PRAME: variants seen among roughly 807,000 people sequenced by gnomAD.
PRAME encodes the protein PRAME nuclear receptor transcriptional regulator.
Under a neutral mutation model 32.1 loss-of-function variants are expected in PRAME, and 21 were observed. The ratio of observed to expected loss-of-function variants is 0.65; its 90% CI spans 0.46 to 0.94. The LOEUF (loss-of-function observed/expected upper bound fraction) is 0.94, where lower values mean the gene tolerates loss of function less well. Among genes scored for constraint, PRAME ranks in the 40% least tolerant of loss-of-function variants. The pLI is 0.00. For missense variants in PRAME, 651 were observed against 622.3 expected (o/e 1.05, Z -0.49); for synonymous variants, 274 against 251.5 (o/e 1.09, Z -0.85).
rs2062959881 is a variant in PRAME at position 22,556,886 on chromosome 22, TCA to T, written c.-56_-55del. On this transcript the variant is annotated 5_prime_UTR_variant, in exon 3 of 6. Coordinates refer to ENST00000405655, the MANE Select transcript of PRAME (RefSeq NM_206956.3). ...CCTCCAACGCTTGGATTTCTAGGTCTCAGTCACTTGTTGCCACGCACGTCTGA... is the reference window on the plus strand; with the variant it reads ...CCTCCAACGCTTGGATTTCTAGGTCTGTCACTTGTTGCCACGCACGTCTGA... The T allele has an allele frequency of 3.1e-6, 5 of 1,608,432 alleles. No homozygotes were observed. The highest frequency in any genetic ancestry group is 4.3e-6 in the Non-Finnish European group (5 of 1,176,020).
rs912342015 is a variant in PRAME at position 22,549,820 on chromosome 22, G to C, written c.859C>G (p.Gln287Glu). 6.2e-7 allele frequency: 1 copy of C among 1,613,806 alleles called. No individual in the cohort carries two copies. ...SPEKEEQYIA[Q>E]FTSQFLSLQC... is the part of the protein sequence containing the mutation. ...AGACTGAGGAACTGAGAGGTGAACT[G>C]GGCGATATACTGCTCTTCCTTCTCC... The change falls in exon 5 of 6, where the codon CAG (glutamine) becomes GAG (glutamate). Residue 287 changes from glutamine to glutamate, a missense_variant. Physicochemically the swap from Gln to Glu is conservative, Grantham distance 29. Transcript: ENST00000405655.
At chr22:22,556,681 T>C in intron 3 of PRAME, 131 bp downstream of exon 3, 2 of 1,104,070 alleles carry the variant, frequency 1.8e-6, no homozygotes, top group Non-Finnish European at 2.7e-6. Flanking sequence ...CCAGAAACAA[T>C]AAAAGCGGCT....
rs935148315 is a variant in PRAME at position 22,548,567 on chromosome 22, G to A, written c.1030C>T (p.Gln344Ter). 6.2e-7 allele frequency: 1 copy of A among 1,612,962 alleles called. No homozygotes were observed. Among genetic ancestry groups the A allele is most frequent in the East Asian group, 2.2e-5 (1 of 44,762 alleles). Residue 344 changes from glutamine to a stop codon, truncating the protein, a stop_gained, in exon 6 of 6, where the codon CAG becomes TAG. Transcript: ENST00000405655. LOFTEE classifies it low-confidence loss of function (END_TRUNC). ...CTTAGCTGACTGACGCTGGGACTCT[G>A]GGACAGATGCATCACATCCCCTTCC... ...LSEGDVMHLS[Q>*]SPSVSQLSVL... is the part of the protein sequence containing the mutation.
Position 22,548,244 on chromosome 22 carries a change from G to C in PRAME, c.1353C>G (p.Ile451Met). 6.2e-7 allele frequency: 1 copy of C among 1,613,844 alleles called. No homozygotes were observed. Among genetic ancestry groups the C allele is most frequent in the Middle Eastern group, 1.7e-4 (1 of 6,054 alleles). ...YPVPLESYED[I>M]HGTLHLERLA... The stretch of plus-strand genomic sequence containing the variant: ...GCCTCTCCAGGTGGAGGGTACCATG[G>C]ATGTCCTCATAACTCTCCAGGGGGA... The change falls in exon 6 of 6, where the codon ATC becomes ATG. Residue 451 changes from isoleucine to methionine, a missense_variant. By Grantham distance (10) the Ile-to-Met change is conservative. Coordinates refer to ENST00000405655, the MANE Select transcript of PRAME (RefSeq NM_206956.3).
Position 22,550,183 on chromosome 22 carries a change from T to C in PRAME, c.496A>G (p.Thr166Ala), listed in dbSNP as rs770285838. 1.2e-6 allele frequency: 2 copies of C among 1,613,848 alleles called. No individual in the cohort carries two copies. The highest frequency in any genetic ancestry group is 2.2e-5 in the South Asian group (2 of 91,066). ...GGAATGAAGGGCTGCTCTGCCTCTG[T>C]GCTCAAACCATCTACTTTTCGCTTC... is the stretch of plus-strand genomic sequence containing the variant. The part of the protein sequence containing the change: ...TKKRKVDGLS[T>A]EAEQPFIPVE... Residue 166 changes from threonine (T) to alanine (A), a missense_variant, in exon 5 of 6, where the codon ACA becomes GCA. Transcript: ENST00000405655.
chr22:22,548,181 A>C lies in PRAME; in HGVS notation c.1416T>G (p.Cys472Trp). 1 of 1,613,818 alleles carries C rather than the reference A, an allele frequency of 6.2e-7. No individual in the cohort carries two copies. The highest frequency in any genetic ancestry group is 1.1e-5 in the South Asian group (1 of 91,066). Residue 472 changes from cysteine (C) to tryptophan (W), a missense_variant, in exon 6 of 6, where the codon TGT (cysteine) becomes TGG (tryptophan). Physicochemically the swap from Cys to Trp is radical, Grantham distance 215. Coordinates refer to ENST00000405655, the MANE Select transcript of PRAME (RefSeq NM_206956.3). ...YLHARLRELL[C>W]ELGRPSMVWL... ...AGACCATGCTGGGCCGCCCCAACTC[A>C]CACAGCAACTCCCTGAGCCTGGCAT...
chr22:22,552,914 C>T (rs1292962330), intron 3 of PRAME: 1 of 470,752 alleles, frequency 2.1e-6, no homozygotes, highest in Admixed American at 2.4e-5. Context: ...GAAGCTATTA[C>T]AGGCCTTTCT....
At position 22,551,101 on chromosome 22, in the gene PRAME, T is replaced by C. The variant is rs200236038; in HGVS notation, c.22-12A>G. On this transcript the variant is annotated splice_polypyrimidine_tract_variant and intron_variant, in intron 3 of 5. Coordinates refer to ENST00000405655, the MANE Select transcript of PRAME (RefSeq NM_206956.3). Reference sequence around the variant, plus strand: ...CTCTGAATGGAACCCTGAGGAAACATACAGGGAACAAGGCATCCCTTTCAG... The same window carrying C: ...CTCTGAATGGAACCCTGAGGAAACACACAGGGAACAAGGCATCCCTTTCAG... The C allele has an allele frequency of 5.0e-4, 771 of 1,550,870 alleles. 5 individuals carry two copies. In the African/African-American group the frequency reaches 6.4e-3, roughly 13 times the overall value.
intron 1 of PRAME, 111 bp from the exon 2 acceptor site, chr22:22,557,691 C>T (rs1311573814): frequency 7.0e-6 from 1 of 141,992 alleles, no homozygotes; most frequent in Non-Finnish European, 1.5e-5. Flanking sequence ...TGACCAATCC[C>T]CGTTTCTCAG....
chr22:22,548,760 T>C, intron 5 of PRAME, 117 bp from the exon 6 acceptor site: 1 of 942,024 alleles, frequency 1.1e-6, no homozygotes, highest in Non-Finnish European at 1.6e-6. Context: ...ACCGCCAGGA[T>C]GCCATGCTGT....
rs2062342077 is a variant in PRAME at position 22,547,971 on chromosome 22, T to C, written c.*96A>G. 1.5e-6 allele frequency: 2 copies of C among 1,303,838 alleles called. No individual in the cohort carries two copies. The highest frequency in any genetic ancestry group is 2.1e-6 in the Non-Finnish European group (2 of 938,910). The allele number at this position is 1,303,838 out of a possible 1,614,324, so 80.8% of individuals were successfully genotyped here. On this transcript the variant is annotated 3_prime_UTR_variant, in exon 6 of 6. Coordinates refer to ENST00000405655, the MANE Select transcript of PRAME (RefSeq NM_206956.3). Reference sequence around the variant, plus strand: ...TTTCCTCACTCACACTGAACATTTGTCTGAAACTGTGGCTGCTTTGTTGCT... The same window carrying C: ...TTTCCTCACTCACACTGAACATTTGCCTGAAACTGTGGCTGCTTTGTTGCT...
Position 22,548,180 on chromosome 22 carries a change from C to CA in PRAME, c.1416dup (p.Glu473Ter). The CA allele has an allele frequency of 6.2e-7, 1 of 1,613,862 alleles. No individual in the cohort carries two copies. Among genetic ancestry groups the CA allele is most frequent in the Non-Finnish European group, 8.5e-7 (1 of 1,179,966 alleles). On this transcript the variant is annotated frameshift_variant, in exon 6 of 6. Transcript: ENST00000405655. LOFTEE classifies it low-confidence loss of function (END_TRUNC). ...CAGACCATGCTGGGCCGCCCCAACT[C>CA]ACACAGCAACTCCCTGAGCCTGGCA...
intron 3 of PRAME, among the ~76,000 whole-genome samples, chr22:22,556,106 G>A (rs1159298307): frequency 6.6e-6 from 1 of 151,256 alleles, no homozygotes; most frequent in Non-Finnish European, 1.5e-5. Context: ...CGATTCTCCT[G>A]CTCCTGTCTC....
At chr22:22,553,807 A>G (rs2062741481) in intron 3 of PRAME, 2 of 985,054 alleles carry the variant, frequency 2.0e-6, no homozygotes, top group South Asian at 9.4e-5. Flanking sequence ...ACATCCCTGC[A>G]ATTAAAGAAG....
rs746102591 is a variant in PRAME at position 22,550,329 on chromosome 22, C to T, written c.350G>A (p.Trp117Ter). Residue 117 changes from tryptophan to a stop codon, truncating the protein, a stop_gained, in exon 5 of 6, where the codon TGG becomes TAG. Transcript: ENST00000405655. LOFTEE classifies it high-confidence loss of function. ...LLAQEVRPRR[W>*]KLQVLDLRKN... Reference sequence around the variant, plus strand: ...CCGTAAATCCAGCACTTGAAGTTTCCACCTCCTGTGGGGAAAAACAGGTAA... The same window carrying T: ...CCGTAAATCCAGCACTTGAAGTTTCTACCTCCTGTGGGGAAAAACAGGTAA... 1.2e-6 allele frequency: 2 copies of T among 1,611,922 alleles called. No individual in the cohort carries two copies. Among genetic ancestry groups the T allele is most frequent in the South Asian group, 1.1e-5 (1 of 90,692 alleles).
intron 1 of PRAME, among the ~76,000 whole-genome samples, chr22:22,558,697 G>C (rs2063148586): frequency 6.6e-6 from 1 of 150,768 alleles, no homozygotes; most frequent in African/African-American, 2.4e-5. Context: ...GCGGGGGGCT[G>C]ACTGGGAGTG....
intron 3 of PRAME, 50 bp downstream of exon 3, chr22:22,556,762 G>A (rs1047064186): frequency 2.5e-6 from 4 of 1,609,262 alleles, no homozygotes; most frequent in African/African-American, 1.3e-5. Flanking sequence ...AAGGACAGAG[G>A]GGAACAGGGC....
Position 22,556,677 on chromosome 22 carries a change from A to T in PRAME, c.21+135T>A, listed in dbSNP as rs2062943765. 4.7e-6 allele frequency: 5 copies of T among 1,071,600 alleles called. No homozygotes were observed. In the East Asian group the frequency reaches 1.2e-4, roughly 26 times the overall value. 66.4% of individuals were successfully genotyped at this position (1,071,600 alleles called of 1,614,324 possible). ...TGCTCTTTTGTGGAAATGACCAGAA[A>T]CAATAAAAGCGGCTCCTGCCTCTTC... On this transcript the variant is annotated intron_variant, in intron 3 of 5. Coordinates refer to ENST00000405655, the MANE Select transcript of PRAME (RefSeq NM_206956.3).
At position 22,550,144 on chromosome 22, in the gene PRAME, C is replaced by G; in HGVS notation, c.535G>C (p.Val179Leu). The change falls in exon 5 of 6, where the codon GTA becomes CTA. Residue 179 changes from valine (V) to leucine (L), a missense_variant. By Grantham distance (32) the Val-to-Leu change is conservative. Coordinates refer to ENST00000405655, the MANE Select transcript of PRAME (RefSeq NM_206956.3). ...GCACCTTCCTTGAGGAACAGGTCTA[C>G]GAGCACCTCTACTGGAATGAAGGGC... ...EQPFIPVEVL[V>L]DLFLKEGACD... 6.2e-7 allele frequency: 1 copy of G among 1,613,818 alleles called. No homozygotes were observed. Among genetic ancestry groups the G allele is most frequent in the East Asian group, 2.2e-5 (1 of 44,780 alleles).
Sources: allele counts gnomAD v4.1 joint callset (sites outside exome capture counted in the v4.1 genomes callset), GRCh38; gene constraint gnomAD v4.1.1; transcripts MANE v1.5; gene names NCBI Gene and HGNC (gene_info 2026-07-23, HGNC 2026-07-21).